The following RYR3 variants were observed in gnomAD, a reference collection of about 807,000 sequenced individuals.
RYR3 encodes ryanodine receptor 3.
Under a neutral mutation model 584.3 loss-of-function variants are expected in RYR3, and 207 were observed. The observed-to-expected ratio is 0.35, with a 90% confidence interval of 0.32 to 0.40. The LOEUF (loss-of-function observed/expected upper bound fraction) is 0.40, where lower values mean the gene tolerates loss of function less well. RYR3 is among the 10% of genes least tolerant of loss of function. The probability of loss-of-function intolerance (pLI) is 1.00; values close to 1 mark genes in which losing one functional copy is unlikely to be tolerated. For missense variants in RYR3, 5,616 were observed against 6,089.2 expected (o/e 0.92, Z 2.59); for synonymous variants, 2,416 against 2,248.5 (o/e 1.07, Z -2.11).
intron 49 of RYR3, among the ~76,000 whole-genome samples, chr15:33,737,251 C>T (rs2069569428): frequency 6.6e-6 from 1 of 152,128 alleles, no homozygotes; most frequent in Non-Finnish European, 1.5e-5. Flanking sequence ...TGTGAACCAC[C>T]ATGCCTGGCC....
At chr15:33,755,831 A>G (rs958959310) in intron 58 of RYR3, among the ~76,000 whole-genome samples, 1 of 152,014 alleles carries the variant, frequency 6.6e-6, no homozygotes, top group African/African-American at 2.4e-5. Context: ...GTGCAGTGGC[A>G]CAGTCTTGGC....
intron 1 of RYR3, among the ~76,000 whole-genome samples, chr15:33,411,928 T>G (rs1202838157): frequency 1.3e-5 from 2 of 152,184 alleles, no homozygotes; most frequent in Non-Finnish European, 2.9e-5. Flanking sequence ...TTTTCTGTTG[T>G]AATAATCAGC....
At chr15:33,617,210 T>G (rs111336305) in intron 19 of RYR3, among the ~76,000 whole-genome samples, 1 of 151,276 alleles carries the variant, frequency 6.6e-6, no homozygotes, top group South Asian at 2.1e-4. Flanking sequence ...GTCAGGAGAT[T>G]GAGACCATCC....
At chr15:33,557,633 T>C (rs1282357037) in intron 10 of RYR3, among the ~76,000 whole-genome samples, 1 of 152,156 alleles carries the variant, frequency 6.6e-6, no homozygotes, top group South Asian at 2.1e-4. Context: ...CCCACCCACC[T>C]CGGCCTCCCA....
chr15:33,425,818 A>T (rs962735781), intron 1 of RYR3, among the ~76,000 whole-genome samples: 1 of 151,446 alleles, frequency 6.6e-6, no homozygotes, highest in African/African-American at 2.4e-5. Context: ...ATTTTTTTGT[A>T]TTTTTAGTAG....
Position 33,662,887 on chromosome 15 carries a change from G to A in RYR3, c.5357G>A (p.Gly1786Asp), listed in dbSNP as rs200938517. 98 of 1,613,530 alleles carry A rather than the reference G, an allele frequency of 6.1e-5. No individual in the cohort carries two copies. The highest frequency in any genetic ancestry group is 5.5e-5 in the Non-Finnish European group (65 of 1,179,864). The change falls in exon 35 of 104, where the codon GGC becomes GAC. Residue 1786 changes from glycine (G) to aspartate (D), a missense_variant. By Grantham distance (94) the Gly-to-Asp change is moderately conservative. Transcript: ENST00000634891. ...GCTGTGGAGGCTGGGGAGAAGGCCGGCAAGGAGGCTCCTGTCAAAGGCTTG... is the reference window on the plus strand; with the variant it reads ...GCTGTGGAGGCTGGGGAGAAGGCCGACAAGGAGGCTCCTGTCAAAGGCTTG... ...EKAVEAGEKA[G>D]KEAPVKGLLQ... is the part of the protein sequence containing the mutation.
intron 72 of RYR3, among the ~76,000 whole-genome samples, chr15:33,811,405 T>A (rs2076534871): frequency 6.6e-6 from 1 of 151,464 alleles, no homozygotes; most frequent in South Asian, 2.1e-4. Flanking sequence ...CTTGGGAGGC[T>A]GAGGCAGAGG....
At chr15:33,357,058 G>T (rs1446887617) in intron 1 of RYR3, among the ~76,000 whole-genome samples, 1 of 152,072 alleles carries the variant, frequency 6.6e-6, no homozygotes, top group African/African-American at 2.4e-5. Flanking sequence ...TATCTCACCT[G>T]CTTTCCCTGC....
chr15:33,474,176 C>T (rs1223771997), intron 2 of RYR3, among the ~76,000 whole-genome samples: 1 of 152,114 alleles, frequency 6.6e-6, no homozygotes. Context: ...GCTTTTCAGT[C>T]CTGGGAAAAC....
At chr15:33,721,227 C>T (rs2067882680) in intron 43 of RYR3, among the ~76,000 whole-genome samples, 1 of 152,168 alleles carries the variant, frequency 6.6e-6, no homozygotes, top group African/African-American at 2.4e-5. Flanking sequence ...ACTGAGGCCT[C>T]CACCCAACAT....
chr15:33,431,320 T>C (rs149794499), intron 1 of RYR3, among the ~76,000 whole-genome samples: 13 of 152,256 alleles, frequency 8.5e-5, no homozygotes, highest in East Asian at 5.8e-4. Flanking sequence ...CTAAGATGCA[T>C]TGAGTGGGGA....
intron 64 of RYR3, among the ~76,000 whole-genome samples, chr15:33,776,184 C>A (rs920138485): frequency 6.6e-6 from 1 of 152,146 alleles, no homozygotes; most frequent in Non-Finnish European, 1.5e-5. Flanking sequence ...AGAAATGATT[C>A]AAGACACCTT....
At chr15:33,424,477 A>G (rs1156724486) in intron 1 of RYR3, among the ~76,000 whole-genome samples, 1 of 152,234 alleles carries the variant, frequency 6.6e-6, no homozygotes, top group East Asian at 1.9e-4. Context: ...GTACTTTGTA[A>G]GAGGCCCTTT....
At chr15:33,358,996 A>G (rs1974372271) in intron 1 of RYR3, among the ~76,000 whole-genome samples, 1 of 152,194 alleles carries the variant, frequency 6.6e-6, no homozygotes, top group South Asian at 2.1e-4. Flanking sequence ...AGAGCATTCT[A>G]AATACTTTTC....
chr15:33,662,034 CTG>C (rs1432807021), intron 34 of RYR3, 117 bp from the exon 35 acceptor site: 12 of 734,620 alleles, frequency 1.6e-5, no homozygotes, highest in East Asian at 2.7e-5. Context: ...ATAAGAGAAA[CTG>C]TGGCAGAGAC....
At chr15:33,623,647 T>A (rs971446791) in intron 19 of RYR3, among the ~76,000 whole-genome samples, 160 bp from the exon 20 acceptor site, 15 of 152,234 alleles carry the variant, frequency 9.9e-5, no homozygotes, top group African/African-American at 3.6e-4. Flanking sequence ...GCTGTTTTGT[T>A]ACATACTGGA....
chr15:33,463,659 C>T (rs1018437898), intron 1 of RYR3, among the ~76,000 whole-genome samples: 12 of 152,120 alleles, frequency 7.9e-5, no homozygotes, highest in African/African-American at 2.7e-4. Flanking sequence ...GCCTGCATGC[C>T]GCTACATCTC....
At chr15:33,726,332 A>G in intron 45 of RYR3, 54 bp from the exon 46 acceptor site, 1 of 1,603,064 alleles carries the variant, frequency 6.2e-7, no homozygotes, top group Admixed American at 1.7e-5. Flanking sequence ...GGTGGGGTGG[A>G]GGGAGGTGTG....
rs1567046644 is a variant in RYR3 at position 33,336,462 on chromosome 15, GAGAGAGAGAGAGAGAGAGAGAGAGAA to G, written c.51+25370_51+25395del. Among the ~76,000 whole-genome samples the G allele has an allele frequency of 2.6e-3, 91 of 34,788 alleles. 28 individuals carry two copies. The highest frequency in any genetic ancestry group is 3.4e-3 in the Non-Finnish European group (68 of 20,268). The allele number at this position is 34,788 out of a possible 152,430, so 22.8% of individuals were successfully genotyped here. ...AGAAAGAGAGAGAGAGAGAGAGAGA[GAGAGAGAGAGAGAGAGAGAGAGAGAA>G]AGAAAGAAAGAAAGAAGGAGGGAAG... is the stretch of plus-strand genomic sequence containing the variant. On this transcript the variant is annotated intron_variant, in intron 1 of 103. Transcript: ENST00000634891.
Sources: gnomAD v4.1 joint callset for allele counts (sites outside exome capture counted in the v4.1 genomes callset) on GRCh38, gnomAD v4.1.1 for gene constraint, MANE v1.5 for transcripts, NCBI Gene and HGNC (gene_info 2026-07-23, HGNC 2026-07-21) for gene names.